SPTA1: variants seen among roughly 807,000 people sequenced by gnomAD.
SPTA1 encodes spectrin alpha chain, erythrocytic 1.
In SPTA1, 177 loss-of-function variants were observed where a neutral mutation model predicts 324.7. The ratio of observed to expected loss-of-function variants is 0.55; its 90% CI spans 0.48 to 0.62. The LOEUF is 0.62. SPTA1 is among the 20% of genes least tolerant of loss of function. The probability of loss-of-function intolerance (pLI) is 0.00; values close to 1 mark genes in which losing one functional copy is unlikely to be tolerated. For synonymous variants in SPTA1, 1,195 were observed against 1,041.3 expected, an observed-to-expected ratio of 1.15 and a Z score of -2.84; for missense variants, 3,162 against 2,883.6, an observed-to-expected ratio of 1.10 and a Z score of -2.21.
Position 158,626,242 on chromosome 1 carries a change from A to G in SPTA1, c.5834-20T>C, listed in dbSNP as rs765773903. On this transcript the variant is annotated intron_variant, in intron 41 of 51. Coordinates refer to ENST00000643759, the MANE Select transcript of SPTA1 (RefSeq NM_003126.4). The stretch of plus-strand genomic sequence containing the variant: ...TATCAGCTAAAAGGCAAAAACAATT[A>G]AGAAGAGAAAGACATTTGGTCTTGT... 1.2e-6 allele frequency: 2 copies of G among 1,610,942 alleles called. No homozygotes were observed. The highest frequency in any genetic ancestry group is 3.3e-5 in the Admixed American group (2 of 59,968).
chr1:158,642,895 G>C lies in SPTA1; in HGVS notation c.4524C>G (p.Asp1508Glu). Residue 1508 changes from aspartate to glutamate, a missense_variant, in exon 32 of 52, where the codon GAC becomes GAG. Transcript: ENST00000643759. ...TGATCCATTCTTCCAGCTCCTCAAG[G>C]TCTCGGTAGAATTGTTTTAGGTTGG... The part of the protein sequence containing the change: ...DYANLKQFYR[D>E]LEELEEWISE... 6.2e-7 allele frequency: 1 copy of C among 1,613,824 alleles called. No individual in the cohort carries two copies. Among genetic ancestry groups the C allele is most frequent in the African/African-American group, 1.3e-5 (1 of 74,980 alleles).
At chr1:158,670,400 A>T (rs1257208403) in intron 12 of SPTA1, among the ~76,000 whole-genome samples, 1 of 152,270 alleles carries the variant, frequency 6.6e-6, no homozygotes, top group Admixed American at 6.5e-5. Context: ...TTACACTGTT[A>T]GCTTTGACCA....
intron 18 of SPTA1, among the ~76,000 whole-genome samples, chr1:158,658,754 A>G (rs1487377827): frequency 6.6e-6 from 1 of 152,174 alleles, no homozygotes; most frequent in African/African-American, 2.4e-5. Flanking sequence ...AGAGGGGGAA[A>G]AAAAGACATA....
Position 158,615,265 on chromosome 1 carries a change from G to T in SPTA1, c.6739C>A (p.Gln2247Lys), listed in dbSNP as rs775515739. The T allele has an allele frequency of 1.2e-6, 2 of 1,613,862 alleles. No homozygotes were observed. The highest frequency in any genetic ancestry group is 1.1e-5 in the South Asian group (1 of 91,058). The change falls in exon 48 of 52, where the codon CAG (glutamine) becomes AAG (lysine). Residue 2247 changes from glutamine (Q) to lysine (K), a missense_variant. Coordinates refer to ENST00000643759, the MANE Select transcript of SPTA1 (RefSeq NM_003126.4). Reference protein sequence around the residue: ...GLAQQWDQLYQLGLRMQHNLE... With the variant: ...GLAQQWDQLYKLGLRMQHNLE... ...TTGTGTTGCATCCGCAACCCAAGCT[G>T]GTAGAGCTGGTCCCACTGCTGAGCC...
Position 158,674,626 on chromosome 1 carries a change from C to T in SPTA1, c.1162G>A (p.Glu388Lys), listed in dbSNP as rs765607723. 7.4e-6 allele frequency: 12 copies of T among 1,614,014 alleles called. No individual in the cohort carries two copies. The highest frequency in any genetic ancestry group is 1.7e-5 in the Admixed American group (1 of 60,014). The change falls in exon 9 of 52, where the codon GAG becomes AAG. Residue 388 changes from glutamate to lysine, a missense_variant. By Grantham distance (56) the Glu-to-Lys change is moderately conservative (BLOSUM62 1). Transcript: ENST00000643759. ...DFDELSGWMNEKTAAINADEL... is the reference protein window; with the variant it reads ...DFDELSGWMNKKTAAINADEL... The stretch of plus-strand genomic sequence containing the variant: ...TCAGCATTGATCGCAGCAGTCTTCT[C>T]GTTCATCCAGCCTGAGAGTTCATCA...
At chr1:158,624,627 T>C (rs1384135015) in intron 42 of SPTA1, among the ~76,000 whole-genome samples, 1 of 152,206 alleles carries the variant, frequency 6.6e-6, no homozygotes, top group Non-Finnish European at 1.5e-5. Flanking sequence ...GACAATCTCA[T>C]GGAGCTAAAG....
At position 158,653,386 on chromosome 1, in the gene SPTA1, C is replaced by T. The variant is rs1652600809; in HGVS notation, c.3076G>A (p.Val1026Ile). 1 of 1,614,082 alleles carries T rather than the reference C, an allele frequency of 6.2e-7. No homozygotes were observed. The highest frequency in any genetic ancestry group is 8.5e-7 in the Non-Finnish European group (1 of 1,180,018). Residue 1026 changes from valine (V) to isoleucine (I), a missense_variant, in exon 22 of 52, where the codon GTC (valine) becomes ATC (isoleucine). Physicochemically the swap from Val to Ile is conservative, Grantham distance 29. Transcript: ENST00000643759. The part of the protein sequence containing the change: ...KVEAADHQGI[V>I]PAVYVRRLAH... ...AGTCTTCTGACATAGACAGCTGGGA[C>T]AATGCCCTGATGATCAGCAGCTTCC... is the stretch of plus-strand genomic sequence containing the variant.
chr1:158,645,702 T>A, intron 27 of SPTA1, 108 bp from the exon 28 acceptor site: 1 of 1,191,122 alleles, frequency 8.4e-7, no homozygotes. Context: ...GAATAACATT[T>A]TTTATCTGGC....
At position 158,674,436 on chromosome 1, in the gene SPTA1, G is replaced by A. The variant is rs555533087; in HGVS notation, c.1249-6C>T. 24 of 1,614,050 alleles carry A rather than the reference G, an allele frequency of 1.5e-5. No individual in the cohort carries two copies. The highest frequency in any genetic ancestry group is 1.9e-5 in the Non-Finnish European group (23 of 1,179,938). ...TCGTAAGAGTCAATCTCATGCTGTG[G>A]CCACAAAACAAAGTGTCTCAAAATG... On this transcript the variant is annotated splice_polypyrimidine_tract_variant and splice_region_variant and intron_variant, in intron 9 of 51. Transcript: ENST00000643759.
intron 18 of SPTA1, among the ~76,000 whole-genome samples, chr1:158,658,306 T>C (rs1389587610): frequency 1.3e-5 from 2 of 152,094 alleles, no homozygotes; most frequent in Non-Finnish European, 2.9e-5. Flanking sequence ...GAACTAGAAC[T>C]TGTGAGGTTG....
At chr1:158,642,757 A>G (rs1651701400) in intron 32 of SPTA1, 57 bp downstream of exon 32, 2 of 1,612,758 alleles carry the variant, frequency 1.2e-6, no homozygotes, top group Non-Finnish European at 8.5e-7. Flanking sequence ...GGTGATGACT[A>G]TCCAACCAAC....
rs773014198 is a variant in SPTA1 at position 158,649,899 on chromosome 1, G to A, written c.3526C>T (p.Arg1176Trp). The change falls in exon 25 of 52, where the codon CGG becomes TGG. Residue 1176 changes from arginine to tryptophan, a missense_variant. By Grantham distance (101) the Arg-to-Trp change is moderately radical. Transcript: ENST00000643759. ...GSLQRLADEQ[R>W]QLLGSAHAVE... ...GCATGGGCACTGCCCAGCAGCTGCC[G>A]CTGTTCATCTGCAAGCCTCTGCAAA... 13 of 1,613,726 alleles carry A rather than the reference G, an allele frequency of 8.1e-6. No individual in the cohort carries two copies. The highest frequency in any genetic ancestry group is 5.0e-5 in the Admixed American group (3 of 59,958).
chr1:158,649,648 C>T (rs775143092), intron 25 of SPTA1, among the ~76,000 whole-genome samples: 9 of 152,180 alleles, frequency 5.9e-5, no homozygotes, highest in East Asian at 5.8e-4. Context: ...AAGGCCCAAG[C>T]CTAGGCTTTA....
chr1:158,615,073 T>C, intron 48 of SPTA1, 143 bp downstream of exon 48: 1 of 846,390 alleles, frequency 1.2e-6, no homozygotes, highest in Non-Finnish European at 1.9e-6. Context: ...GAAATAGTCA[T>C]TCCGTGGGGC....
At chr1:158,626,499 A>G (rs1313886522) in intron 41 of SPTA1, among the ~76,000 whole-genome samples, 1 of 152,206 alleles carries the variant, frequency 6.6e-6, no homozygotes, top group Non-Finnish European at 1.5e-5. Flanking sequence ...AGTAAATCTA[A>G]CAAACATTTT....
intron 50 of SPTA1, 41 bp from the exon 51 acceptor site, chr1:158,613,002 A>G: frequency 1.2e-6 from 2 of 1,605,958 alleles, no homozygotes; most frequent in Non-Finnish European, 1.7e-6. Context: ...TTCTCAAGGC[A>G]GAGAAGGAAG....
intron 50 of SPTA1, 35 bp downstream of exon 50, chr1:158,613,685 TC>T (rs1557917883): frequency 6.2e-7 from 1 of 1,613,206 alleles, no homozygotes; most frequent in Non-Finnish European, 8.5e-7. Context: ...CAAACCCCCA[TC>T]CCTGCTGCGG....
At position 158,638,171 on chromosome 1, in the gene SPTA1, A is replaced by G. The variant is rs1651228618; in HGVS notation, c.5051T>C (p.Ile1684Thr). 1 of 1,613,524 alleles carries G rather than the reference A, an allele frequency of 6.2e-7. No individual in the cohort carries two copies. Reference protein sequence around the residue: ...LSSGTFNVDQIVKKKDNVNKR... With the variant: ...LSSGTFNVDQTVKKKDNVNKR... Reference sequence around the variant, plus strand: ...GTTGACATTATCTTTTTTCTTCACAATCTGATCAACGTTGAAAGTCCCGCT... The same window carrying G: ...GTTGACATTATCTTTTTTCTTCACAGTCTGATCAACGTTGAAAGTCCCGCT... The change falls in exon 36 of 52, where the codon ATT (isoleucine) becomes ACT (threonine). Residue 1684 changes from isoleucine to threonine, a missense_variant. Physicochemically the swap from Ile to Thr is moderately conservative, Grantham distance 89. Coordinates refer to ENST00000643759, the MANE Select transcript of SPTA1 (RefSeq NM_003126.4).
In SPTA1 at chr1:158,678,359, A is replaced by T. The variant is rs958446340; in HGVS notation, c.812+42T>A. 1.2e-6 allele frequency: 2 copies of T among 1,612,788 alleles called. 1 individual carries two copies. The highest frequency in any genetic ancestry group is 3.3e-5 in the Admixed American group (2 of 59,948). On this transcript the variant is annotated intron_variant, in intron 6 of 51. Coordinates refer to ENST00000643759, the MANE Select transcript of SPTA1 (RefSeq NM_003126.4). The stretch of plus-strand genomic sequence containing the variant: ...TAATACAAAGACACGGTTTTTATAA[A>T]GCACTTCAAAGTTTTCTATAAAGCA...
Sources: allele counts gnomAD v4.1 joint callset (sites outside exome capture counted in the v4.1 genomes callset), GRCh38; gene constraint gnomAD v4.1.1; transcripts MANE v1.5; gene names NCBI Gene and HGNC (gene_info 2026-07-23, HGNC 2026-07-21).